CRB2: variants seen among roughly 807,000 people sequenced by gnomAD.
The protein encoded by CRB2 is protein crumbs homolog 2.
A neutral mutation model predicts 110.9 loss-of-function variants in CRB2; 85 were observed. The observed-to-expected ratio is 0.77, with a 90% CI of 0.64 to 0.92. The LOEUF is 0.92. Among genes scored for constraint, CRB2 ranks in the 40% least tolerant of loss-of-function variants. The pLI, the probability that CRB2 is intolerant of heterozygous loss-of-function variation, is 0.00. For missense variants in CRB2, 1,843 were observed against 1,851.3 expected (o/e 1.00, Z 0.08); for synonymous variants, 907 against 831.0 (o/e 1.09, Z -1.57).
chr9:123,367,651 A>G lies in CRB2; in HGVS notation c.1019A>G (p.Asn340Ser), dbSNP rs201851098. The stretch of plus-strand genomic sequence containing the variant: ...GGAGGCCACTGCCAGGACCTGCCCA[A>G]TGGCTTCCAGTGTCACTGCCCAGAT... ...LNGGHCQDLP[N>S]GFQCHCPDGY... The change falls in exon 6 of 13, where the codon AAT becomes AGT. Residue 340 changes from asparagine (N) to serine (S), a missense_variant. By Grantham distance (46) the Asn-to-Ser change is conservative (BLOSUM62 1). Transcript: ENST00000373631. 120 of 1,567,210 alleles carry G rather than the reference A, an allele frequency of 7.7e-5. 1 individual carries two copies. In the African/African-American group the frequency reaches 9.0e-4, roughly 12 times the overall value.
intron 12 of CRB2, 96 bp from the exon 13 acceptor site, chr9:123,376,742 C>G: frequency 8.5e-7 from 1 of 1,177,380 alleles, no homozygotes; most frequent in Non-Finnish European, 1.2e-6. Context: ...CTGATTTTCT[C>G]TGAGTAGGTC....
rs1411749968 is a variant in CRB2 at position 123,373,267 on chromosome 9, C to T, written c.2736C>T (p.Ala912=). The change falls in exon 10 of 13, where the codon GCC becomes GCT. Residue 912 remains alanine, a synonymous_variant. Coordinates refer to ENST00000373631, the MANE Select transcript of CRB2 (RefSeq NM_173689.7). ...TRDSEAWLLR[A]AAGALEGVWL... is the part of the protein sequence containing the mutation. Reference sequence around the variant, plus strand: ...ACTCCGAGGCCTGGCTGCTGCGTGCCGCGGCGGGCGCCCTGGAAGGCGTGT... The same window carrying T: ...ACTCCGAGGCCTGGCTGCTGCGTGCTGCGGCGGGCGCCCTGGAAGGCGTGT... 1.3e-5 allele frequency: 20 copies of T among 1,484,218 alleles called. No individual in the cohort carries two copies. The highest frequency in any genetic ancestry group is 4.5e-4 in the Middle Eastern group (2 of 4,410). 91.9% of individuals were successfully genotyped at this position (1,484,218 alleles called of 1,614,324 possible). A position where few individuals can be genotyped will look rare whatever the true frequency, so the allele number is the denominator to read the frequency against.
At chr9:123,359,275 G>A (rs1891634) in intron 1 of CRB2, among the ~76,000 whole-genome samples, 44,034 of 151,478 alleles carry the variant, frequency 0.29, 6,618 homozygotes, top group Middle Eastern at 0.35. Context: ...GAGCCTTGGG[G>A]CCCAGGGATA....
At chr9:123,368,196 C>A (rs926626913) in intron 6 of CRB2, among the ~76,000 whole-genome samples, 6 of 152,130 alleles carry the variant, frequency 3.9e-5, no homozygotes, top group Non-Finnish European at 7.4e-5. Context: ...GCCTGCGACA[C>A]CTCCCTCACA....
At chr9:123,368,050 TG>T in intron 6 of CRB2, among the ~76,000 whole-genome samples, 1 of 151,914 alleles carries the variant, frequency 6.6e-6, no homozygotes, top group Non-Finnish European at 1.5e-5. Context: ...TTTGGGGAGC[TG>T]GGGCCTGTCA....
chr9:123,379,027 G>C (rs1042954363), downstream of CRB2, among the ~76,000 whole-genome samples: 2 of 151,862 alleles, frequency 1.3e-5, no homozygotes, highest in Non-Finnish European at 2.9e-5. Context: ...GACCGACCTC[G>C]TGATCCACCT....
At chr9:123,359,430 G>GTTGTTTTTTTTTTTTTTTT (rs2041835400) in intron 1 of CRB2, among the ~76,000 whole-genome samples, 1 of 98,024 alleles carries the variant, frequency 1.0e-5, no homozygotes, top group African/African-American at 4.8e-5. Context: ...GTGGTTTTTC[G>GTTGTTTTTTTTTTTTTTTT]TTTTTGTTTT....
intron 11 of CRB2, 85 bp downstream of exon 11, chr9:123,374,780 G>C (rs541530559): frequency 1.1e-6 from 1 of 897,976 alleles, no homozygotes; most frequent in African/African-American, 1.6e-5. Flanking sequence ...GGGGGTCCTC[G>C]CCCACCTTCT....
chr9:123,361,202 C>G (rs2041865661), intron 1 of CRB2, among the ~76,000 whole-genome samples: 1 of 151,022 alleles, frequency 6.6e-6, no homozygotes, highest in Non-Finnish European at 1.5e-5. Context: ...AGTGAGGGAC[C>G]TGTTGGCACA....
Position 123,365,976 on chromosome 9 carries a change from T to C in CRB2, c.478T>C (p.Ser160Pro), listed in dbSNP as rs772582902. 2 of 1,597,524 alleles carry C rather than the reference T, an allele frequency of 1.3e-6. No homozygotes were observed. Among genetic ancestry groups the C allele is most frequent in the Non-Finnish European group, 1.7e-6 (2 of 1,179,102 alleles). Residue 160 changes from serine to proline, a missense_variant, in exon 3 of 13, where the codon TCG becomes CCG. Coordinates refer to ENST00000373631, the MANE Select transcript of CRB2 (RefSeq NM_173689.7). Reference protein sequence around the residue: ...CASAPCLHGGSCLDGVGSFRC... With the variant: ...CASAPCLHGGPCLDGVGSFRC... ...CTCAGCGCCCTGCCTGCACGGGGGCTCGTGCCTGGACGGCGTGGGCTCCTT... is the reference window on the plus strand; with the variant it reads ...CTCAGCGCCCTGCCTGCACGGGGGCCCGTGCCTGGACGGCGTGGGCTCCTT...
intron 12 of CRB2, among the ~76,000 whole-genome samples, chr9:123,375,903 C>G (rs997438298): frequency 6.6e-6 from 1 of 152,012 alleles, no homozygotes; most frequent in African/African-American, 2.4e-5. Context: ...CTTCCTGGGG[C>G]GGGGTGGGGG....
rs1213423468 is a variant in CRB2 at position 123,377,831 on chromosome 9, C to G, written c.*769C>G. The stretch of plus-strand genomic sequence containing the variant: ...AGGAGGGGCTGCCTGGAGCTTCCCA[C>G]CCTGCTGTGGTCATTTGTCAAAGGG... On this transcript the variant is annotated 3_prime_UTR_variant, in exon 13 of 13. Coordinates refer to ENST00000373631, the MANE Select transcript of CRB2 (RefSeq NM_173689.7). 1 of 152,322 alleles carries G rather than the reference C, an allele frequency of 6.6e-6. No individual in the cohort carries two copies. Among genetic ancestry groups the G allele is most frequent in the South Asian group, 2.1e-4 (1 of 4,836 alleles). The allele number at this position is 152,322 out of a possible 1,614,324, so 9.4% of individuals were successfully genotyped here.
chr9:123,374,816 C>T (rs1373677136), intron 11 of CRB2, 121 bp downstream of exon 11: 1 of 660,358 alleles, frequency 1.5e-6, no homozygotes. Context: ...TCACAGTCAC[C>T]ATTGTCACTT....
rs1391689052 is a variant in CRB2, at chr9:123,359,366, CT to C, written c.94+3013del. 3.4e-5 allele frequency among the ~76,000 whole-genome samples: 5 copies of C among 148,472 alleles called. No homozygotes were observed. The East Asian group carries it at 7.9e-4, about 23-fold the overall frequency. ...AGGTCGCTTCTTAGAAATATTCTGT[CT>C]CTTGATTTGTTGGGACAGGAAGCTT... On this transcript the variant is annotated intron_variant, in intron 1 of 12. Transcript: ENST00000373631.
chr9:123,370,683 C>A lies in CRB2; in HGVS notation c.1630C>A (p.Leu544Ile). Residue 544 changes from leucine (L) to isoleucine (I), a missense_variant, in exon 7 of 13, where the codon CTC (leucine) becomes ATC (isoleucine). Coordinates refer to ENST00000373631, the MANE Select transcript of CRB2 (RefSeq NM_173689.7). The stretch of plus-strand genomic sequence containing the variant: ...CTGGCATGAGGGCTGCCCTGCCCGG[C>A]TCTGTGTGGCCTCTGGTCCTGTGGC... ...RLWHEGCPARLCVASGPVALA... is the reference protein window; with the variant it reads ...RLWHEGCPARICVASGPVALA... The A allele has an allele frequency of 6.2e-7, 1 of 1,605,918 alleles. No individual in the cohort carries two copies.
chr9:123,354,591 T>TGA (rs1294355597), upstream of CRB2, among the ~76,000 whole-genome samples: 2 of 152,226 alleles, frequency 1.3e-5, no homozygotes, highest in Non-Finnish European at 2.9e-5. Context: ...TCTTACGCTG[T>TGA]GAGGCCTCTG....
At chr9:123,362,173 G>C (rs942160751) in intron 1 of CRB2, among the ~76,000 whole-genome samples, 4 of 152,212 alleles carry the variant, frequency 2.6e-5, no homozygotes, top group Non-Finnish European at 4.4e-5. Context: ...ATGTGGAGAA[G>C]GGGTAGGAAT....
chr9:123,377,002 TG>T lies in CRB2; in HGVS notation c.3802del (p.Ala1268ProfsTer132). ...ACAGCCCAAGCCAGCAGGAGGTGGC[TG>T]GGGCCCGGCTGGAGATGGACAGTGT... Reference protein sequence around the residue: ...TYSPSQQEVAGARLEMDSVLK... With the variant: ...TYSPSQQEVAXARLEMDSVLK... On this transcript the variant is annotated frameshift_variant, in exon 13 of 13. Coordinates refer to ENST00000373631, the MANE Select transcript of CRB2 (RefSeq NM_173689.7). LOFTEE classifies it high-confidence loss of function. 6.2e-7 allele frequency: 1 copy of T among 1,609,244 alleles called. No homozygotes were observed. The highest frequency in any genetic ancestry group is 8.5e-7 in the Non-Finnish European group (1 of 1,178,636).
At chr9:123,368,984 G>A in intron 6 of CRB2, 1 of 1,183,378 alleles carries the variant, frequency 8.5e-7, no homozygotes, top group Non-Finnish European at 1.1e-6. Context: ...GGGGAGGTTG[G>A]TGGGTGGTGG....
Sources: allele counts gnomAD v4.1 joint callset (sites outside exome capture counted in the v4.1 genomes callset), GRCh38; gene constraint gnomAD v4.1.1; transcripts MANE v1.5; gene names NCBI Gene and HGNC (gene_info 2026-07-23, HGNC 2026-07-21).